Variants in LIMS4 observed in about 807,000 individuals in gnomAD.
LIMS4 encodes the protein LIM zinc finger domain containing 4.
the LIMS4 span, among the ~76,000 whole-genome samples, chr2:110,368,631 G>A: frequency 7.1e-6 from 1 of 141,800 alleles, no homozygotes; most frequent in Non-Finnish European, 1.5e-5. Flanking sequence ...CTTATAACAT[G>A]TAACTATGTC....
the LIMS4 span, chr2:110,386,856 T>G: frequency 3.7e-6 from 2 of 545,372 alleles, no homozygotes; most frequent in Non-Finnish European, 6.6e-6. Context: ...AGCTGCAGTA[T>G]TAGGTAGATC....
At chr2:110,365,906 C>T in the LIMS4 span, among the ~76,000 whole-genome samples, 2 of 147,376 alleles carry the variant, frequency 1.4e-5, no homozygotes, top group African/African-American at 5.2e-5. Context: ...CCTCTAGGCA[C>T]ACAAACTAGA....
chr2:110,360,663 C>T, the LIMS4 span: 10 of 1,556,842 alleles, frequency 6.4e-6, 1 homozygote, highest in African/African-American at 4.6e-5. Flanking sequence ...CATGTGTCTG[C>T]ATGTGAGTTT....
At chr2:110,424,687 C>T in the LIMS4 span, among the ~76,000 whole-genome samples, 2 of 144,200 alleles carry the variant, frequency 1.4e-5, 1 homozygote, top group Non-Finnish European at 3.0e-5. Flanking sequence ...GTAATCCCAG[C>T]ATTCTGGGAG....
the LIMS4 span, among the ~76,000 whole-genome samples, chr2:110,385,193 C>A: frequency 6.6e-6 from 1 of 150,612 alleles, no homozygotes; most frequent in Non-Finnish European, 1.5e-5. Context: ...CAGTTCACAG[C>A]CCCCATGGGG....
At chr2:110,448,381 CTT>C (rs1401549778) in intron 8 of LIMS4, among the ~76,000 whole-genome samples, 4 of 140,640 alleles carry the variant, frequency 2.8e-5, no homozygotes, top group Non-Finnish European at 6.2e-5. Context: ...AAGTTTTGCT[CTT>C]GTCGCCCAGG....
the LIMS4 span, among the ~76,000 whole-genome samples, chr2:110,395,935 C>T: frequency 7.1e-6 from 1 of 141,360 alleles, no homozygotes; most frequent in Non-Finnish European, 1.5e-5. Context: ...CACATACCAG[C>T]GTCCTAAAGA....
At chr2:110,382,140 T>C in the LIMS4 span, among the ~76,000 whole-genome samples, 2 of 95,182 alleles carry the variant, frequency 2.1e-5, no homozygotes, top group Non-Finnish European at 3.7e-5. Flanking sequence ...TATATATATA[T>C]ATATATATAT....
chr2:110,366,871 A>G, the LIMS4 span, among the ~76,000 whole-genome samples: 1 of 150,706 alleles, frequency 6.6e-6, no homozygotes, highest in African/African-American at 2.5e-5. Flanking sequence ...AGGTACACAA[A>G]TCAGCAGTAT....
At chr2:110,391,318 T>C in the LIMS4 span, among the ~76,000 whole-genome samples, 11 of 134,926 alleles carry the variant, frequency 8.2e-5, no homozygotes, top group Non-Finnish European at 1.4e-4. Flanking sequence ...CTCAGGGGGC[T>C]GGACTGAGGT....
At chr2:110,381,645 T>C in the LIMS4 span, among the ~76,000 whole-genome samples, 21 of 50 alleles carry the variant, frequency 0.42, no homozygotes, top group African/African-American at 0.5. Flanking sequence ...ATAGAAAATA[T>C]AGATAAGCTG....
chr2:110,425,313 G>T, the LIMS4 span, among the ~76,000 whole-genome samples: 1 of 142,302 alleles, frequency 7.0e-6, no homozygotes, highest in African/African-American at 3.0e-5. Flanking sequence ...TTAGGAGGTT[G>T]AGGCTGCAGT....
the LIMS4 span, chr2:110,362,641 G>A: frequency 1.7e-6 from 1 of 604,212 alleles, no homozygotes; most frequent in African/African-American, 1.8e-5. Context: ...TACACTCCAA[G>A]CACTTGTACC....
the LIMS4 span, among the ~76,000 whole-genome samples, chr2:110,368,892 GTTT>G: frequency 7.4e-6 from 1 of 135,106 alleles, no homozygotes; most frequent in African/African-American, 3.0e-5. Context: ...GTATGTAAAG[GTTT>G]TTTTTTTTTT....
chr2:110,360,672 T>A, the LIMS4 span: 18 of 1,233,642 alleles, frequency 1.5e-5, no homozygotes, highest in South Asian at 2.2e-4. Flanking sequence ...GCATGTGAGT[T>A]TTTAAGGCAG....
chr2:110,453,717 T>C (rs1688247560), intron 5 of LIMS4, among the ~76,000 whole-genome samples: 2 of 151,990 alleles, frequency 1.3e-5, no homozygotes, highest in Non-Finnish European at 2.9e-5. Flanking sequence ...ATTTTTTTTG[T>C]ATTTTTTAGT....
At chr2:110,381,751 A>G in the LIMS4 span, among the ~76,000 whole-genome samples, 4 of 12,186 alleles carry the variant, frequency 3.3e-4, no homozygotes, top group South Asian at 4.9e-3. Context: ...TGCAAACCCT[A>G]TATCTAAGAA....
the LIMS4 span, among the ~76,000 whole-genome samples, chr2:110,425,709 A>G: frequency 0.038 from 5,295 of 139,656 alleles, 1,076 homozygotes; most frequent in African/African-American, 0.16. Flanking sequence ...GAGGATGAAG[A>G]GAACTGCAAG....
the LIMS4 span, chr2:110,361,109 AT>A: frequency 1.1e-6 from 1 of 886,302 alleles, no homozygotes; most frequent in Admixed American, 2.0e-5. Flanking sequence ...GTCTTCTTTT[AT>A]TTCTGTTTCC....
Sources: allele counts gnomAD v4.1 joint callset (sites outside exome capture counted in the v4.1 genomes callset), GRCh38; gene constraint gnomAD v4.1.1; transcripts MANE v1.5; gene names NCBI Gene and HGNC (gene_info 2026-07-23, HGNC 2026-07-21).